The following AAK1 variants were observed in gnomAD, a reference collection of about 807,000 sequenced individuals.
AAK1 encodes the protein AP2 associated kinase 1, also known as AP2-associated protein kinase 1.
AAK1 carries 37 observed loss-of-function variants against 116.0 expected under a neutral mutation model. That is an observed-to-expected ratio of 0.32 (90% confidence interval 0.25 to 0.42). AAK1 has a LOEUF of 0.42. AAK1 is among the 10% of genes least tolerant of loss of function. The probability of loss-of-function intolerance (pLI) is 1.00; values close to 1 mark genes in which losing one functional copy is unlikely to be tolerated. For synonymous variants in AAK1, 458 were observed against 439.9 expected (o/e 1.04, Z -0.51); for missense variants, 919 against 1,170.6 (o/e 0.79, Z 3.14).
intron 2 of AAK1, among the ~76,000 whole-genome samples, chr2:69,574,694 G>A (rs914298108): frequency 6.6e-6 from 1 of 152,140 alleles, no homozygotes; most frequent in Non-Finnish European, 1.5e-5. Context: ...GTACACGACG[G>A]GGATGGTGGC....
chr2:69,586,049 C>A (rs1672751458), intron 2 of AAK1, among the ~76,000 whole-genome samples: 1 of 152,088 alleles, frequency 6.6e-6, no homozygotes, highest in South Asian at 2.1e-4. Flanking sequence ...CCCAAGGGGT[C>A]TGGGAAAAAC....
chr2:69,472,393 C>T lies in AAK1; in HGVS notation c.*3476G>A, dbSNP rs1231422450. On this transcript the variant is annotated 3_prime_UTR_variant, in exon 22 of 22. Transcript: ENST00000409085. ...AGCTGATTTTCTTATACCTTATTAC[C>T]TTCCTTGATATTATTTCTAAGGAGA... is the stretch of plus-strand genomic sequence containing the variant. 1 of 231,376 alleles carries T rather than the reference C, an allele frequency of 4.3e-6. No homozygotes were observed. The highest frequency in any genetic ancestry group is 7.1e-6 in the Non-Finnish European group (1 of 140,680). 14.3% of individuals were successfully genotyped at this position (231,376 alleles called of 1,614,324 possible). A position where few individuals can be genotyped will look rare whatever the true frequency, so the allele number is the denominator to read the frequency against.
chr2:69,605,702 T>C (rs760759821), intron 2 of AAK1, among the ~76,000 whole-genome samples: 26 of 152,218 alleles, frequency 1.7e-4, no homozygotes, highest in Non-Finnish European at 3.2e-4. Flanking sequence ...ATTTATAATG[T>C]GTAGATGTGT....
chr2:69,485,023 T>G (rs540637096), intron 17 of AAK1, among the ~76,000 whole-genome samples: 9 of 152,286 alleles, frequency 5.9e-5, no homozygotes, highest in Non-Finnish European at 1.2e-4. Flanking sequence ...TATGACATTA[T>G]AAGATGTTAA....
At chr2:69,602,368 A>G (rs1673617659) in intron 2 of AAK1, among the ~76,000 whole-genome samples, 1 of 151,958 alleles carries the variant, frequency 6.6e-6, no homozygotes, top group African/African-American at 2.4e-5. Context: ...TTTGTTTTTT[A>G]TTAGTTTAGT....
At position 69,474,346 on chromosome 2, in the gene AAK1, G is replaced by A. The variant is rs930556544; in HGVS notation, c.*1523C>T. 4.1e-6 allele frequency: 4 copies of A among 985,710 alleles called. No individual in the cohort carries two copies. The African/African-American group carries it at 7.0e-5, about 17-fold the overall frequency. The allele number at this position is 985,710 out of a possible 1,614,324, so 61.1% of individuals were successfully genotyped here. A position where few individuals can be genotyped will look rare whatever the true frequency, so the allele number is the denominator to read the frequency against. On this transcript the variant is annotated 3_prime_UTR_variant, in exon 22 of 22. Coordinates refer to ENST00000409085, the MANE Select transcript of AAK1 (RefSeq NM_014911.5). ...ACTAGAGGAAAAGAACAGGAGTGGG[G>A]TTCTCTGTGCCCACTTCTTTTCAAA...
chr2:69,615,705 T>C (rs1674297532), intron 2 of AAK1, among the ~76,000 whole-genome samples: 1 of 152,244 alleles, frequency 6.6e-6, no homozygotes, highest in African/African-American at 2.4e-5. Flanking sequence ...CTTCAACTCC[T>C]ATACTTTTAC....
intron 2 of AAK1, among the ~76,000 whole-genome samples, chr2:69,630,345 G>GGGGGAGGGGGAGGGAGA (rs1675116778): frequency 7.4e-6 from 1 of 134,802 alleles, no homozygotes; most frequent in African/African-American, 2.7e-5. Context: ...GGGGGTGGGG[G>GGGGGAGGGGGAGGGAGA]GGGAGGGGGA....
chr2:69,466,435 T>C lies in AAK1; in HGVS notation c.*9434A>G. 1 of 1,289,718 alleles carries C rather than the reference T, an allele frequency of 7.8e-7. No individual in the cohort carries two copies. The highest frequency in any genetic ancestry group is 1.0e-6 in the Non-Finnish European group (1 of 988,820). The allele number at this position is 1,289,718 out of a possible 1,614,324, so 79.9% of individuals were successfully genotyped here. On this transcript the variant is annotated 3_prime_UTR_variant, in exon 22 of 22. Coordinates refer to ENST00000409085, the MANE Select transcript of AAK1 (RefSeq NM_014911.5). ...TAGTCAGATTCTAAGTTGTTCTGAG[T>C]CTTTGTGCCAGGTACTCTGGAGGGG...
Position 69,469,379 on chromosome 2 carries a change from G to A in AAK1, c.*6490C>T. 1.0e-6 allele frequency: 1 copy of A among 985,384 alleles called. No homozygotes were observed. Among genetic ancestry groups the A allele is most frequent in the African/African-American group, 1.7e-5 (1 of 57,330 alleles). The allele number at this position is 985,384 out of a possible 1,614,324, so 61.0% of individuals were successfully genotyped here. ...CAGAAGGTAACCATTAAATCTTGTT[G>A]GCAGATAAAAGTCTTTTTTTGAGTA... On this transcript the variant is annotated 3_prime_UTR_variant, in exon 22 of 22. Coordinates refer to ENST00000409085, the MANE Select transcript of AAK1 (RefSeq NM_014911.5).
At chr2:69,513,345 A>T (rs1242733549) in intron 13 of AAK1, among the ~76,000 whole-genome samples, 1 of 150,036 alleles carries the variant, frequency 6.7e-6, no homozygotes, top group African/African-American at 2.5e-5. Context: ...TTTGAGATGG[A>T]GTCTTGCTCT....
chr2:69,549,350 CAGAGTG>C (rs1671076439), intron 3 of AAK1, among the ~76,000 whole-genome samples: 1 of 152,144 alleles, frequency 6.6e-6, no homozygotes, highest in African/African-American at 2.4e-5. Flanking sequence ...GCCTGGGTGA[CAGAGTG>C]AGACTCAGTC....
At position 69,464,753 on chromosome 2, in the gene AAK1, C is replaced by G. The variant is rs1035150332; in HGVS notation, c.*11116G>C. 2 of 152,590 alleles carry G rather than the reference C, an allele frequency of 1.3e-5. No homozygotes were observed. Among genetic ancestry groups the G allele is most frequent in the Non-Finnish European group, 2.9e-5 (2 of 68,164 alleles). 9.5% of individuals were successfully genotyped at this position (152,590 alleles called of 1,614,324 possible). On this transcript the variant is annotated 3_prime_UTR_variant, in exon 22 of 22. Transcript: ENST00000409085. Reference sequence around the variant, plus strand: ...TAGACATGAGGAGTTAGCCCATCTGCCTGTATCTCTACACAGGCTCTGACG... The same window carrying G: ...TAGACATGAGGAGTTAGCCCATCTGGCTGTATCTCTACACAGGCTCTGACG...
chr2:69,598,207 T>A (rs1391086173), intron 2 of AAK1: 1 of 714,770 alleles, frequency 1.4e-6, no homozygotes, highest in African/African-American at 1.9e-5. Context: ...CCATCGATAT[T>A]TGAAATTTAG....
At chr2:69,595,290 A>C (rs1255783818) in intron 2 of AAK1, among the ~76,000 whole-genome samples, 2 of 151,916 alleles carry the variant, frequency 1.3e-5, no homozygotes, top group African/African-American at 4.8e-5. Context: ...TTGTTTTTGT[A>C]TTTTTAGTAG....
At chr2:69,573,319 A>G (rs1307132842) in intron 2 of AAK1, among the ~76,000 whole-genome samples, 2 of 152,246 alleles carry the variant, frequency 1.3e-5, no homozygotes, top group Non-Finnish European at 2.9e-5. Flanking sequence ...ACAGGGCACC[A>G]GGACAAACCA....
chr2:69,634,840 G>A (rs1252973025), intron 2 of AAK1, among the ~76,000 whole-genome samples: 1 of 152,092 alleles, frequency 6.6e-6, no homozygotes, highest in African/African-American at 2.4e-5. Flanking sequence ...GTTAAAGTAA[G>A]TATTGCAATA....
chr2:69,502,322 C>CAGTAA (rs1448191714), intron 16 of AAK1, among the ~76,000 whole-genome samples: 1 of 152,002 alleles, frequency 6.6e-6, no homozygotes, highest in African/African-American at 2.4e-5. Flanking sequence ...AAAAATGGGT[C>CAGTAA]AGTAAATAAG....
chr2:69,537,925 G>A (rs1670543298), intron 5 of AAK1, among the ~76,000 whole-genome samples: 1 of 152,192 alleles, frequency 6.6e-6, no homozygotes, highest in Non-Finnish European at 1.5e-5. Context: ...TATATCCAAG[G>A]TAAAGGAGAA....
Sources: gnomAD v4.1 joint callset for allele counts (sites outside exome capture counted in the v4.1 genomes callset) on GRCh38, gnomAD v4.1.1 for gene constraint, MANE v1.5 for transcripts, NCBI Gene and HGNC (gene_info 2026-07-23, HGNC 2026-07-21) for gene names.